The following TRPC5 variants were observed in gnomAD, a reference collection of about 807,000 sequenced individuals.
TRPC5 encodes the protein transient receptor potential cation channel subfamily C member 5.
Under a neutral mutation model 56.5 loss-of-function variants are expected in TRPC5, and 9 were observed. The observed-to-expected ratio is 0.16, with a 90% CI of 0.10 to 0.28. The LOEUF (loss-of-function observed/expected upper bound fraction) is 0.28, where lower values mean the gene tolerates loss of function less well. Among genes scored for constraint, TRPC5 ranks in the 10% least tolerant of loss-of-function variants. TRPC5 has a pLI of 1.00. For missense variants in TRPC5, 469 were observed against 748.9 expected, an observed-to-expected ratio of 0.63 and a Z score of 4.36; for synonymous variants, 282 against 278.5, an observed-to-expected ratio of 1.01 and a Z score of -0.13.
intron 9 of TRPC5, among the ~76,000 whole-genome samples, chrX:111,780,272 TGTTTATTAG>T (rs1475002565): frequency 3.6e-5 from 4 of 110,278 alleles, no homozygotes; most frequent in African/African-American, 1.3e-4. Flanking sequence ...AGTGTCCTAA[TGTTTATTAG>T]GTTTATTACT....
At chrX:111,818,596 C>A (rs866790962) in intron 7 of TRPC5, among the ~76,000 whole-genome samples, 1 of 104,744 alleles carries the variant, frequency 9.5e-6, no homozygotes, top group Non-Finnish European at 2.0e-5. Context: ...CTTTTCTTTT[C>A]TTTTTCTCTT....
At chrX:111,859,319 TAAC>T (rs2148588673) in intron 3 of TRPC5, among the ~76,000 whole-genome samples, 1 of 112,402 alleles carries the variant, frequency 8.9e-6, no homozygotes, top group Admixed American at 9.4e-5. Context: ...GACTAGAATT[TAAC>T]AACAGGTGTG....
chrX:111,923,642 G>C (rs145172499), intron 2 of TRPC5, among the ~76,000 whole-genome samples: 1 of 111,708 alleles, frequency 9.0e-6, no homozygotes, highest in African/African-American at 3.3e-5. Context: ...AAGGTAAAAG[G>C]CTCCAAGGTA....
In TRPC5 at chrX:111,912,373, T is replaced by A. The variant is rs1603095127; in HGVS notation, c.818A>T (p.Asp273Val). The change falls in exon 3 of 11, where the codon GAT becomes GTT. Residue 273 changes from aspartate (D) to valine (V), a missense_variant. Asp to Val is a radical substitution (Grantham distance 152). Transcript: ENST00000262839. Reference protein sequence around the residue: ...RELEIILNHRDDHSEELDPQK... With the variant: ...RELEIILNHRVDHSEELDPQK... ...AGGGTCAAGCTCTTCACTGTGGTCA[T>A]CTCGATGGTTGAGGATGATCTCCAG... The A allele has an allele frequency of 4.1e-6, 5 of 1,211,387 alleles. No homozygotes were observed. The East Asian group carries it at 1.2e-4, about 29-fold the overall frequency.
intron 3 of TRPC5, among the ~76,000 whole-genome samples, chrX:111,871,321 A>AT (rs57494463): frequency 0.026 from 2,717 of 104,653 alleles, 32 homozygotes; most frequent in South Asian, 0.032. Context: ...ATTTTCATGC[A>AT]TTTTTTTTTT....
At chrX:111,906,500 C>T in intron 3 of TRPC5, among the ~76,000 whole-genome samples, 1 of 111,752 alleles carries the variant, frequency 8.9e-6, no homozygotes, top group Non-Finnish European at 1.9e-5. Context: ...GGGAACACGC[C>T]TTTCTTGAAA....
intron 1 of TRPC5, among the ~76,000 whole-genome samples, chrX:112,080,107 T>G (rs777398162): frequency 8.9e-6 from 1 of 111,898 alleles, no homozygotes. Flanking sequence ...AATGGGCACC[T>G]TTTCAGATCC....
intron 1 of TRPC5, among the ~76,000 whole-genome samples, chrX:112,001,328 T>TA (rs745973820): frequency 4.3e-4 from 48 of 112,393 alleles, no homozygotes; most frequent in Non-Finnish European, 8.4e-4. Context: ...CTCTGTGCCT[T>TA]AGTTTCCTCA....
Position 111,857,734 on chromosome X carries a change from C to T in TRPC5, c.901-3628G>A, listed in dbSNP as rs1038670887. 1.2e-4 allele frequency among the ~76,000 whole-genome samples: 14 copies of T among 112,411 alleles called. 1 individual carries two copies. The highest frequency in any genetic ancestry group is 9.2e-3 in the Middle Eastern group (2 of 217). On this transcript the variant is annotated intron_variant, in intron 3 of 10. Coordinates refer to ENST00000262839, the MANE Select transcript of TRPC5 (RefSeq NM_012471.3). ...TGGGCTTAGCTGTGTGCCAATAAAA[C>T]TTTATTCACACAAACAGGCAGCAAA...
chrX:112,066,772 A>T (rs1930594733), intron 1 of TRPC5, among the ~76,000 whole-genome samples: 1 of 112,523 alleles, frequency 8.9e-6, no homozygotes, highest in Non-Finnish European at 1.9e-5. Context: ...AATAAAATGA[A>T]TTAAATAAAA....
At chrX:112,006,187 G>A (rs1928839427) in intron 1 of TRPC5, among the ~76,000 whole-genome samples, 1 of 111,023 alleles carries the variant, frequency 9.0e-6, no homozygotes. Flanking sequence ...TCCATCCAGA[G>A]GATGGTGGTT....
intron 3 of TRPC5, among the ~76,000 whole-genome samples, chrX:111,906,203 A>G: frequency 9.2e-6 from 1 of 109,015 alleles, no homozygotes; most frequent in East Asian, 2.9e-4. Context: ...AAAATACAAA[A>G]AAATCAGCCG....
At chrX:111,886,578 G>A (rs150336243) in intron 3 of TRPC5, among the ~76,000 whole-genome samples, 3,601 of 111,602 alleles carry the variant, frequency 0.032, 146 homozygotes, top group African/African-American at 0.11. Context: ...TCGATTTGGC[G>A]TGATCTTGGA....
chrX:111,962,582 T>C (rs775429001), intron 1 of TRPC5, among the ~76,000 whole-genome samples: 1 of 112,187 alleles, frequency 8.9e-6, no homozygotes, highest in East Asian at 2.8e-4. Flanking sequence ...ATAAAGTGGT[T>C]TCTTGAGATG....
chrX:111,969,338 C>T (rs1927715135), intron 1 of TRPC5, among the ~76,000 whole-genome samples: 1 of 112,150 alleles, frequency 8.9e-6, no homozygotes, highest in African/African-American at 3.2e-5. Flanking sequence ...AAATATTTGA[C>T]TTGCAACATT....
intron 7 of TRPC5, among the ~76,000 whole-genome samples, chrX:111,784,350 G>T (rs1412587931): frequency 8.9e-6 from 1 of 112,093 alleles, no homozygotes; most frequent in African/African-American, 3.2e-5. Context: ...TAAAGAAAAT[G>T]AAAAGATAAC....
chrX:112,023,708 T>C (rs776424333), intron 1 of TRPC5, among the ~76,000 whole-genome samples: 7 of 111,753 alleles, frequency 6.3e-5, no homozygotes, highest in Non-Finnish European at 1.1e-4. Context: ...GAACTTCCTA[T>C]ATCTGGACTA....
At chrX:111,780,242 G>A (rs777197004) in intron 9 of TRPC5, among the ~76,000 whole-genome samples, 13 of 109,720 alleles carry the variant, frequency 1.2e-4, no homozygotes, top group Admixed American at 2.9e-4. Context: ...ATGCTTGGCT[G>A]TTTTCTAGCT....
intron 7 of TRPC5, among the ~76,000 whole-genome samples, chrX:111,785,743 A>C (rs1212679414): frequency 8.9e-6 from 1 of 112,055 alleles, no homozygotes; most frequent in African/African-American, 3.2e-5. Flanking sequence ...GCTGAAAACC[A>C]TGACACAAGA....
Sources: gnomAD v4.1 joint callset for allele counts (sites outside exome capture counted in the v4.1 genomes callset) on GRCh38, gnomAD v4.1.1 for gene constraint, MANE v1.5 for transcripts, NCBI Gene and HGNC (gene_info 2026-07-23, HGNC 2026-07-21) for gene names.